GALNT1: variants seen among roughly 807,000 people sequenced by gnomAD.
GALNT1 encodes the protein polypeptide N-acetylgalactosaminyltransferase 1.
In GALNT1, 17 loss-of-function variants were observed where a neutral mutation model predicts 65.7. The observed-to-expected ratio is 0.26, with a 90% confidence interval of 0.18 to 0.39. The LOEUF is 0.39. GALNT1 is among the 10% of genes least tolerant of loss of function. The pLI is 1.00. For missense variants in GALNT1, 460 were observed against 672.8 expected (o/e 0.68, Z 3.50); for synonymous variants, 210 against 219.7 (o/e 0.96, Z 0.39).
chr18:35,708,487 G>T (rs966233992), intron 11 of GALNT1, among the ~76,000 whole-genome samples: 2 of 152,156 alleles, frequency 1.3e-5, no homozygotes, highest in African/African-American at 4.8e-5. Context: ...TGCAAAAAAG[G>T]CCTCATGAAA....
chr18:35,639,870 C>G (rs2047139303), intron 1 of GALNT1, among the ~76,000 whole-genome samples: 1 of 152,004 alleles, frequency 6.6e-6, no homozygotes. Context: ...GATCTCAGCT[C>G]ACTGCAACCT....
chr18:35,627,930 C>A (rs568624235), intron 1 of GALNT1, among the ~76,000 whole-genome samples: 13 of 150,672 alleles, frequency 8.6e-5, no homozygotes, highest in Admixed American at 2.0e-4. Flanking sequence ...TATCCCGTGC[C>A]TGGCTCGGAG....
intron 5 of GALNT1, among the ~76,000 whole-genome samples, chr18:35,686,148 C>T (rs1349888769): frequency 2.0e-5 from 3 of 151,992 alleles, no homozygotes; most frequent in East Asian, 1.9e-4. Flanking sequence ...AGATACCATT[C>T]GTAATAGCAA....
At chr18:35,633,347 T>C (rs543984185) in intron 1 of GALNT1, among the ~76,000 whole-genome samples, 7 of 152,124 alleles carry the variant, frequency 4.6e-5, no homozygotes, top group South Asian at 2.1e-4. Flanking sequence ...ATATACACCA[T>C]GGAATACTGT....
chr18:35,645,418 A>G (rs1405692555), intron 1 of GALNT1, among the ~76,000 whole-genome samples: 2 of 151,750 alleles, frequency 1.3e-5, no homozygotes, highest in Non-Finnish European at 2.9e-5. Flanking sequence ...TATTTTTAGT[A>G]GAGACGGGGT....
intron 1 of GALNT1, among the ~76,000 whole-genome samples, chr18:35,631,689 G>A (rs2047012589): frequency 6.6e-6 from 1 of 152,220 alleles, no homozygotes; most frequent in South Asian, 2.1e-4. Context: ...TCAACATAGT[G>A]TTGGAAGTTC....
chr18:35,607,410 C>T (rs574347561), intron 1 of GALNT1, among the ~76,000 whole-genome samples: 15 of 152,214 alleles, frequency 9.9e-5, no homozygotes, highest in Non-Finnish European at 1.8e-4. Context: ...ATGCCTTACT[C>T]TATGGTTGTT....
At chr18:35,664,239 A>G (rs1202883144) in intron 3 of GALNT1, 3 of 157,566 alleles carry the variant, frequency 1.9e-5, no homozygotes, top group African/African-American at 7.2e-5. Flanking sequence ...AAGTCTCCTT[A>G]TGTTTTTTGT....
intron 1 of GALNT1, among the ~76,000 whole-genome samples, chr18:35,652,899 A>T (rs1186805037): frequency 6.6e-6 from 1 of 152,228 alleles, no homozygotes; most frequent in Non-Finnish European, 1.5e-5. Context: ...GATTTTAGAG[A>T]CCGTAAAACC....
chr18:35,667,737 G>A (rs2047570070), intron 3 of GALNT1, among the ~76,000 whole-genome samples: 1 of 151,914 alleles, frequency 6.6e-6, no homozygotes, highest in East Asian at 1.9e-4. Flanking sequence ...CCTACATTTT[G>A]CTGACTGCAT....
At chr18:35,595,188 A>G (rs1226166206) in intron 1 of GALNT1, among the ~76,000 whole-genome samples, 1 of 152,228 alleles carries the variant, frequency 6.6e-6, no homozygotes, top group Non-Finnish European at 1.5e-5. Flanking sequence ...TACTCTTAAT[A>G]TATAACAAAA....
At chr18:35,620,205 C>T (rs1333647712) in intron 1 of GALNT1, among the ~76,000 whole-genome samples, 1 of 152,154 alleles carries the variant, frequency 6.6e-6, no homozygotes, top group Non-Finnish European at 1.5e-5. Flanking sequence ...CAAAGAAGGT[C>T]CTTGCAGCTC....
chr18:35,606,007 A>G (rs1478597798), intron 1 of GALNT1, among the ~76,000 whole-genome samples: 2 of 152,250 alleles, frequency 1.3e-5, no homozygotes, highest in Admixed American at 1.3e-4. Flanking sequence ...AGGATAAGTT[A>G]TACTGTGCTA....
At chr18:35,685,162 G>C (rs1304339325) in intron 5 of GALNT1, among the ~76,000 whole-genome samples, 1 of 152,102 alleles carries the variant, frequency 6.6e-6, no homozygotes, top group African/African-American at 2.4e-5. Context: ...GTGCAAATCT[G>C]TTCATGAATG....
chr18:35,663,967 A>C, intron 3 of GALNT1, 165 bp downstream of exon 3: 2 of 607,520 alleles, frequency 3.3e-6, no homozygotes, highest in Non-Finnish European at 5.7e-6. Flanking sequence ...ATAATATCTC[A>C]AGCTTCTACT....
chr18:35,697,694 ACT>A (rs1258275594), intron 9 of GALNT1, among the ~76,000 whole-genome samples: 1 of 151,944 alleles, frequency 6.6e-6, no homozygotes, highest in Non-Finnish European at 1.5e-5. Context: ...CACAATCTAA[ACT>A]CTCACCCCTA....
At chr18:35,691,430 G>A (rs6507134) in intron 8 of GALNT1, among the ~76,000 whole-genome samples, 32,087 of 152,152 alleles carry the variant, frequency 0.21, 3,685 homozygotes, top group African/African-American at 0.29. Context: ...CCCAGGTTTT[G>A]CAGATGTTCT....
chr18:35,615,845 A>G lies in GALNT1; in HGVS notation c.-104+33983A>G, dbSNP rs193049022. Among the ~76,000 whole-genome samples the G allele has an allele frequency of 4.6e-5, 7 of 152,352 alleles. No individual in the cohort carries two copies. The East Asian group carries it at 9.6e-4, about 21-fold the overall frequency. ...ATTGACAAAATTGTAAAAGTTGGAC[A>G]TTGTCAAGTATACCACTGCACTACT... On this transcript the variant is annotated intron_variant, in intron 1 of 11. Coordinates refer to ENST00000269195, the MANE Select transcript of GALNT1 (RefSeq NM_020474.4).
At chr18:35,614,983 A>C (rs539892650) in intron 1 of GALNT1, among the ~76,000 whole-genome samples, 1 of 152,292 alleles carries the variant, frequency 6.6e-6, no homozygotes, top group African/African-American at 2.4e-5. Context: ...ACGACATACC[A>C]TGTTCATAGA....
Sources: allele counts gnomAD v4.1 joint callset (sites outside exome capture counted in the v4.1 genomes callset), GRCh38; gene constraint gnomAD v4.1.1; transcripts MANE v1.5; gene names NCBI Gene and HGNC (gene_info 2026-07-23, HGNC 2026-07-21).